Variants in WAPL observed in about 807,000 individuals in gnomAD.
WAPL encodes wings apart-like protein homolog.
In WAPL, 5 loss-of-function variants were observed where a neutral mutation model predicts 121.0. That is an observed-to-expected ratio of 0.04 (90% CI 0.02 to 0.09). The LOEUF (loss-of-function observed/expected upper bound fraction) is 0.09, where lower values mean the gene tolerates loss of function less well. WAPL is among the 10% of genes least tolerant of loss of function. WAPL has a pLI of 1.00. For missense variants in WAPL, 999 were observed against 1,410.8 expected (o/e 0.71, Z 4.68); for synonymous variants, 480 against 481.5 (o/e 1.00, Z 0.04).
At position 86,472,373 on chromosome 10, in the gene WAPL, T is replaced by G. The variant is rs1382719280; in HGVS notation, c.1894-29A>C. ...CCAAGAAAAAAAAAGTTCACCCCTT[T>G]TTAACTAGGAACTAGCATATTTAAA... On this transcript the variant is annotated intron_variant, in intron 6 of 18. Transcript: ENST00000298767. The surrounding 1 kb of genome is among the most constrained non-coding windows in gnomAD (Gnocchi z 4.2). 3.8e-6 allele frequency: 6 copies of G among 1,585,324 alleles called. No individual in the cohort carries two copies. Among genetic ancestry groups the G allele is most frequent in the Non-Finnish European group, 4.3e-6 (5 of 1,173,570 alleles).
chr10:86,488,933 G>A (rs1186497923), intron 4 of WAPL, among the ~76,000 whole-genome samples: 6 of 152,164 alleles, frequency 3.9e-5, no homozygotes, highest in East Asian at 3.9e-4. Context: ...GAAAGGTGAC[G>A]AACCTGAAAA....
intron 2 of WAPL, among the ~76,000 whole-genome samples, chr10:86,508,749 T>A (rs1232118369): frequency 1.4e-5 from 2 of 143,012 alleles, no homozygotes; most frequent in East Asian, 4.2e-4. Context: ...TCCATTAGTA[T>A]TGAAAGTTCT....
chr10:86,492,224 A>G (rs190780306), intron 4 of WAPL, among the ~76,000 whole-genome samples: 143 of 152,214 alleles, frequency 9.4e-4, no homozygotes, highest in Middle Eastern at 3.4e-3. Flanking sequence ...CAGCTGGAAG[A>G]AGGAGAGGGG....
At chr10:86,508,366 A>G in intron 2 of WAPL, among the ~76,000 whole-genome samples, 1 of 152,172 alleles carries the variant, frequency 6.6e-6, no homozygotes, top group South Asian at 2.1e-4. Context: ...TCCTCCTTCC[A>G]GCCAAACATA....
At position 86,458,985 on chromosome 10, in the gene WAPL, T is replaced by G. The variant is rs1308266080; in HGVS notation, c.2657+4A>C. On this transcript the variant is annotated splice_donor_region_variant and intron_variant, in intron 12 of 18. Coordinates refer to ENST00000298767, the MANE Select transcript of WAPL (RefSeq NM_015045.5). ...AGTTGTTAACTAATAAACAAAAAAC[T>G]TACTTAGCTGATGAAACAATAAGTT... 1 of 1,603,812 alleles carries G rather than the reference T, an allele frequency of 6.2e-7. No individual in the cohort carries two copies. Among genetic ancestry groups the G allele is most frequent in the Non-Finnish European group, 8.5e-7 (1 of 1,175,134 alleles).
chr10:86,461,167 A>G lies in WAPL; in HGVS notation c.2482+9T>C, dbSNP rs2132182095. 1 of 1,578,926 alleles carries G rather than the reference A, an allele frequency of 6.3e-7. No homozygotes were observed. Among genetic ancestry groups the G allele is most frequent in the East Asian group, 2.2e-5 (1 of 44,636 alleles). On this transcript the variant is annotated intron_variant, in intron 10 of 18. Transcript: ENST00000298767. Reference sequence around the variant, plus strand: ...ATATATAAAAACATTCTAAATGTAAATATCATACCTTTATCTACAATATGA... The same window carrying G: ...ATATATAAAAACATTCTAAATGTAAGTATCATACCTTTATCTACAATATGA...
At position 86,472,827 on chromosome 10, in the gene WAPL, C is replaced by G; in HGVS notation, c.1741-63G>C. On this transcript the variant is annotated intron_variant, in intron 5 of 18. Coordinates refer to ENST00000298767, the MANE Select transcript of WAPL (RefSeq NM_015045.5). The surrounding 1 kb of genome is among the most constrained non-coding windows in gnomAD (Gnocchi z 4.2). ...ATATATAAAAATAGGAACGTCTCAT[C>G]TATCTGGCAAATTCAGCTTCAAAAA... 1.4e-6 allele frequency: 2 copies of G among 1,451,670 alleles called. No homozygotes were observed. The highest frequency in any genetic ancestry group is 1.8e-6 in the Non-Finnish European group (2 of 1,090,230). The allele number at this position is 1,451,670 out of a possible 1,614,324, so 89.9% of individuals were successfully genotyped here. A position where few individuals can be genotyped will look rare whatever the true frequency, so the allele number is the denominator to read the frequency against.
At chr10:86,520,852 T>G (rs1275351148) in intron 1 of WAPL, among the ~76,000 whole-genome samples, 1 of 151,466 alleles carries the variant, frequency 6.6e-6, no homozygotes, top group Non-Finnish European at 1.5e-5. Context: ...CCCAAAGGCT[T>G]TAAGGGCTTC....
intron 15 of WAPL, among the ~76,000 whole-genome samples, chr10:86,447,755 A>G (rs940994660): frequency 1.3e-5 from 2 of 152,204 alleles, no homozygotes; most frequent in South Asian, 4.1e-4. Flanking sequence ...CATACTTTGA[A>G]AAGTATGGCC....
chr10:86,453,444 C>G, intron 13 of WAPL, 109 bp from the exon 14 acceptor site: 1 of 1,262,378 alleles, frequency 7.9e-7, no homozygotes, highest in East Asian at 2.4e-5. Context: ...AGTCATTCCT[C>G]TATTGAAACA....
At chr10:86,454,054 A>T (rs1475248224) in intron 12 of WAPL, among the ~76,000 whole-genome samples, 2 of 152,210 alleles carry the variant, frequency 1.3e-5, no homozygotes, top group Admixed American at 6.5e-5. Context: ...TTTATTTCCA[A>T]ATTGTCTCGC....
intron 2 of WAPL, among the ~76,000 whole-genome samples, chr10:86,517,106 A>G (rs1024962146): frequency 6.6e-6 from 1 of 152,156 alleles, no homozygotes; most frequent in Non-Finnish European, 1.5e-5. Context: ...CTCAATTTGG[A>G]ATCAAGTTCA....
At chr10:86,461,368 G>T in intron 9 of WAPL, 81 bp from the exon 10 acceptor site, 1 of 1,065,290 alleles carries the variant, frequency 9.4e-7, no homozygotes, top group Non-Finnish European at 1.4e-6. Context: ...AAAATTTACT[G>T]CATGCTACAT....
intron 8 of WAPL, among the ~76,000 whole-genome samples, chr10:86,467,762 C>T (rs1841433076): frequency 6.6e-6 from 1 of 151,482 alleles, no homozygotes; most frequent in Non-Finnish European, 1.5e-5. Context: ...CTGCAGCTTC[C>T]ACCTCCCAGG....
chr10:86,509,034 C>T (rs1842406640), intron 2 of WAPL, among the ~76,000 whole-genome samples: 1 of 152,198 alleles, frequency 6.6e-6, no homozygotes, highest in Non-Finnish European at 1.5e-5. Flanking sequence ...TAAGCCACCG[C>T]GCCCGGCCAG....
At chr10:86,469,205 TAATAA>T (rs1220067873) in intron 8 of WAPL, among the ~76,000 whole-genome samples, 2 of 124,750 alleles carry the variant, frequency 1.6e-5, no homozygotes, top group East Asian at 2.7e-4. Flanking sequence ...GAGGATCGCT[TAATAA>T]AATAAAACAA....
chr10:86,507,764 G>T (rs916336449), intron 2 of WAPL, among the ~76,000 whole-genome samples: 1 of 149,868 alleles, frequency 6.7e-6, no homozygotes, highest in Admixed American at 6.7e-5. Flanking sequence ...CAACTTGCTT[G>T]TGCCAGTACT....
At chr10:86,513,197 T>C (rs757192783) in intron 2 of WAPL, among the ~76,000 whole-genome samples, 1 of 152,144 alleles carries the variant, frequency 6.6e-6, no homozygotes, top group African/African-American at 2.4e-5. Flanking sequence ...GGGGTTTCAC[T>C]ATGTTGGCCA....
rs754599062 is a variant in WAPL, at chr10:86,453,268, C to G, written c.2901G>C (p.Gln967His). 3 of 1,614,110 alleles carry G rather than the reference C, an allele frequency of 1.9e-6. No individual in the cohort carries two copies. Among genetic ancestry groups the G allele is most frequent in the Non-Finnish European group, 2.5e-6 (3 of 1,180,024 alleles). ...LIGTALNCVL[Q>H]VPKYLPQEQR... ...GCTCCTGAGGTAGGTACTTTGGAAC[C>G]TGAAGCACACAGTTCAGCGCTGTGC... The change falls in exon 14 of 19, where the codon CAG becomes CAC. Residue 967 changes from glutamine to histidine, a missense_variant. Transcript: ENST00000298767.
Sources: allele counts gnomAD v4.1 joint callset (sites outside exome capture counted in the v4.1 genomes callset), GRCh38; gene constraint gnomAD v4.1.1; non-coding constraint Gnocchi (gnomAD v3.1); transcripts MANE v1.5; gene names NCBI Gene and HGNC (gene_info 2026-07-23, HGNC 2026-07-21).